ITGB3BP: variants seen among roughly 807,000 people sequenced by gnomAD.
The protein encoded by ITGB3BP is integrin subunit beta 3 binding protein.
ITGB3BP carries 27 observed loss-of-function variants against 29.1 expected under a neutral mutation model. The observed-to-expected ratio is 0.93, with a 90% confidence interval of 0.68 to 1.28. The LOEUF (loss-of-function observed/expected upper bound fraction) is 1.28, where lower values mean the gene tolerates loss of function less well. Ranked by LOEUF, ITGB3BP falls within the 50% of genes most tolerant of loss-of-function variation. The pLI, the probability that ITGB3BP is intolerant of heterozygous loss-of-function variation, is 0.00. For synonymous variants in ITGB3BP, 61 were observed against 61.4 expected (o/e 0.99, Z 0.03); for missense variants, 192 against 200.2 (o/e 0.96, Z 0.25).
rs1386975132 is a variant in ITGB3BP at position 63,473,223 on chromosome 1, G to A, written c.254+5541C>T. Among the ~76,000 whole-genome samples the A allele has an allele frequency of 2.6e-5, 4 of 151,586 alleles. No individual in the cohort carries two copies. In the East Asian group the frequency reaches 7.9e-4, roughly 30 times the overall value. On this transcript the variant is annotated intron_variant, in intron 4 of 8. Transcript: ENST00000271002. Reference sequence around the variant, plus strand: ...CCGGCCGCCCCGTCTGAGAAGTGAGGAAACCCTCTGCCTGGCAACCGCCCC... The same window carrying A: ...CCGGCCGCCCCGTCTGAGAAGTGAGAAAACCCTCTGCCTGGCAACCGCCCC...
intron 2 of ITGB3BP, among the ~76,000 whole-genome samples, chr1:63,496,707 G>A (rs1645797022): frequency 6.6e-6 from 1 of 152,090 alleles, no homozygotes; most frequent in South Asian, 2.1e-4. Flanking sequence ...TGTCAATAAG[G>A]GCTGGCTTTT....
chr1:63,463,458 G>A (rs1402835992), intron 4 of ITGB3BP, among the ~76,000 whole-genome samples: 1 of 152,116 alleles, frequency 6.6e-6, no homozygotes, highest in Non-Finnish European at 1.5e-5. Context: ...TTTCCTGGTT[G>A]TGATATTGTA....
chr1:63,474,496 C>T (rs1330175786), intron 4 of ITGB3BP, among the ~76,000 whole-genome samples: 6 of 151,114 alleles, frequency 4.0e-5, no homozygotes, highest in East Asian at 1.9e-4. Context: ...GGATGGTTGC[C>T]GGGTCTGTGT....
chr1:63,499,671 G>A (rs1219017817), intron 2 of ITGB3BP, among the ~76,000 whole-genome samples: 1 of 152,072 alleles, frequency 6.6e-6, no homozygotes, highest in Non-Finnish European at 1.5e-5. Context: ...AGGAAAGCAA[G>A]GTTGGTTCAA....
chr1:63,490,234 AATT>A lies in ITGB3BP; in HGVS notation c.49-19_49-17del. 1 of 1,507,582 alleles carries A rather than the reference AATT, an allele frequency of 6.6e-7. No homozygotes were observed. The highest frequency in any genetic ancestry group is 1.9e-4 in the Middle Eastern group (1 of 5,206). 93.4% of individuals were successfully genotyped at this position (1,507,582 alleles called of 1,614,324 possible). A position where few individuals can be genotyped will look rare whatever the true frequency, so the allele number is the denominator to read the frequency against. On this transcript the variant is annotated splice_polypyrimidine_tract_variant and intron_variant, in intron 2 of 8. Coordinates refer to ENST00000271002, the MANE Select transcript of ITGB3BP (RefSeq NM_014288.5). ...GATCAAATGACTGGAAATAAATAAT[AATT>A]AAGGACAGAAATAGCTATGTTTAGT...
chr1:63,513,183 G>A (rs1193762248), intron 1 of ITGB3BP, among the ~76,000 whole-genome samples: 6 of 152,092 alleles, frequency 3.9e-5, no homozygotes, highest in African/African-American at 1.4e-4. Context: ...CTTATAAAGA[G>A]CCACTAATGA....
chr1:63,467,173 T>C (rs952355578), intron 4 of ITGB3BP, among the ~76,000 whole-genome samples: 1 of 152,104 alleles, frequency 6.6e-6, no homozygotes, highest in Non-Finnish European at 1.5e-5. Flanking sequence ...CAGTGATGGA[T>C]ATTGACTATT....
intron 1 of ITGB3BP, among the ~76,000 whole-genome samples, chr1:63,513,323 T>A (rs1646241913): frequency 6.6e-6 from 1 of 152,234 alleles, no homozygotes; most frequent in African/African-American, 2.4e-5. Context: ...AAGCCATTCC[T>A]ATCATTATTT....
chr1:63,516,367 G>T (rs1346861973), intron 1 of ITGB3BP, among the ~76,000 whole-genome samples: 1 of 33,468 alleles, frequency 3.0e-5, no homozygotes, highest in African/African-American at 7.1e-5. Flanking sequence ...TGGGGGAGAA[G>T]GGGGGGGGAA....
Position 63,520,973 on chromosome 1 carries a change from T to C in ITGB3BP, c.5+2156A>G, listed in dbSNP as rs191680258. 1.7e-3 allele frequency among the ~76,000 whole-genome samples: 265 copies of C among 152,322 alleles called. 1 individual carries two copies. The highest frequency in any genetic ancestry group is 3.1e-3 in the Non-Finnish European group (209 of 68,016). On this transcript the variant is annotated intron_variant, in intron 1 of 8. Transcript: ENST00000271002. ...TGTTAAGATTCATCCATCCGCTCTA[T>C]TGTCACTGAACATTTGCTGTTTCTT...
At chr1:63,446,691 AT>A in intron 8 of ITGB3BP, 114 bp downstream of exon 8, 1 of 760,630 alleles carries the variant, frequency 1.3e-6, no homozygotes. Flanking sequence ...CTATATCCCT[AT>A]TTTCTTACAG....
chr1:63,500,422 AT>A (rs1314132088), intron 2 of ITGB3BP, among the ~76,000 whole-genome samples: 1 of 152,124 alleles, frequency 6.6e-6, no homozygotes, highest in African/African-American at 2.4e-5. Context: ...ATGCTAATAA[AT>A]GGGTTCAGCA....
At chr1:63,526,786 A>G (rs990457434), upstream of ITGB3BP, among the ~76,000 whole-genome samples, 1 of 151,390 alleles carries the variant, frequency 6.6e-6, no homozygotes, top group African/African-American at 2.4e-5. Context: ...TTTTTTTGAG[A>G]CGGAGTCTTG....
intron 1 of ITGB3BP, among the ~76,000 whole-genome samples, chr1:63,519,000 T>G (rs763109695): frequency 3.9e-5 from 6 of 152,074 alleles, no homozygotes; most frequent in Non-Finnish European, 5.9e-5. Context: ...TATAGTCAAC[T>G]CCCTCTACAC....
chr1:63,494,039 A>T (rs1645727062), intron 2 of ITGB3BP, among the ~76,000 whole-genome samples: 1 of 152,194 alleles, frequency 6.6e-6, no homozygotes, highest in African/African-American at 2.4e-5. Flanking sequence ...TACTAGTACT[A>T]ATTATGAAAT....
At chr1:63,515,825 TAA>T (rs76881362) in intron 1 of ITGB3BP, among the ~76,000 whole-genome samples, 5,273 of 48,576 alleles carry the variant, frequency 0.11, 133 homozygotes, top group Non-Finnish European at 0.13. Context: ...GACTCCAACT[TAA>T]AAAAAAAAAA....
intron 2 of ITGB3BP, among the ~76,000 whole-genome samples, chr1:63,499,137 A>G (rs1239119974): frequency 6.7e-6 from 1 of 150,356 alleles, no homozygotes; most frequent in Admixed American, 6.7e-5. Context: ...AGGTAGCTTC[A>G]CAAGTGAATT....
At chr1:63,495,502 C>T (rs80044059) in intron 2 of ITGB3BP, among the ~76,000 whole-genome samples, 2,723 of 152,292 alleles carry the variant, frequency 0.018, 92 homozygotes, top group African/African-American at 0.063. Context: ...GCTATGCTAT[C>T]ATGGACACAC....
chr1:63,475,038 T>C lies in ITGB3BP; in HGVS notation c.254+3726A>G, dbSNP rs144627670. 1.2e-3 allele frequency among the ~76,000 whole-genome samples: 186 copies of C among 152,252 alleles called. 3 individuals are homozygous for C. In the South Asian group the frequency reaches 0.031, roughly 25 times the overall value. On this transcript the variant is annotated intron_variant, in intron 4 of 8. Coordinates refer to ENST00000271002, the MANE Select transcript of ITGB3BP (RefSeq NM_014288.5). ...CGCTTAGGCTGGAGAGTAGTGACAT[T>C]ATCACAGCTCACTGCACCCTCAACC...
Sources: gnomAD v4.1 joint callset for allele counts (sites outside exome capture counted in the v4.1 genomes callset) on GRCh38, gnomAD v4.1.1 for gene constraint, MANE v1.5 for transcripts, NCBI Gene and HGNC (gene_info 2026-07-23, HGNC 2026-07-21) for gene names.